ASTN1: variants seen among roughly 807,000 people sequenced by gnomAD.
ASTN1 encodes the protein astrotactin 1, also known as astrotactin-1.
A neutral mutation model predicts 140.7 loss-of-function variants in ASTN1; 41 were observed. The ratio of observed to expected loss-of-function variants is 0.29; its 90% CI spans 0.23 to 0.38. ASTN1 has a LOEUF of 0.38. Among genes scored for constraint, ASTN1 ranks in the 10% least tolerant of loss-of-function variants. ASTN1 has a pLI of 1.00. For synonymous variants in ASTN1, 640 were observed against 652.2 expected (o/e 0.98, Z 0.29); for missense variants, 1,479 against 1,678.8 (o/e 0.88, Z 2.08).
intron 9 of ASTN1, among the ~76,000 whole-genome samples, chr1:176,959,736 G>T (rs1672573175): frequency 6.6e-6 from 1 of 152,156 alleles, no homozygotes; most frequent in African/African-American, 2.4e-5. Flanking sequence ...GAGGGAAGTG[G>T]CCAGGATATG....
intron 20 of ASTN1, among the ~76,000 whole-genome samples, chr1:176,880,956 T>C (rs1266037409): frequency 6.6e-6 from 1 of 152,172 alleles, no homozygotes; most frequent in Non-Finnish European, 1.5e-5. Flanking sequence ...CTCCTCCCAG[T>C]TTATAGAAAG....
intron 16 of ASTN1, among the ~76,000 whole-genome samples, chr1:176,908,839 T>G (rs1247704621): frequency 6.6e-6 from 1 of 152,000 alleles, no homozygotes; most frequent in Non-Finnish European, 1.5e-5. Context: ...AAAATAGCAA[T>G]GCTCAGAAAG....
chr1:177,163,091 A>C (rs1348333303), intron 1 of ASTN1, among the ~76,000 whole-genome samples: 3 of 152,180 alleles, frequency 2.0e-5, no homozygotes, highest in African/African-American at 7.2e-5. Flanking sequence ...GACATCTCCT[A>C]TGAAGGAAGA....
At chr1:177,041,256 C>T (rs567778597) in intron 2 of ASTN1, among the ~76,000 whole-genome samples, 5 of 152,086 alleles carry the variant, frequency 3.3e-5, no homozygotes, top group East Asian at 1.9e-4. Context: ...TGGATGTAGA[C>T]GTAATAATTT....
intron 1 of ASTN1, among the ~76,000 whole-genome samples, chr1:177,145,158 T>C (rs1257217576): frequency 6.6e-6 from 1 of 152,188 alleles, no homozygotes; most frequent in East Asian, 1.9e-4. Flanking sequence ...TCAGCTCCGT[T>C]CCTCTGGAGG....
At chr1:176,921,217 T>A (rs1167980029) in intron 16 of ASTN1, among the ~76,000 whole-genome samples, 1 of 152,250 alleles carries the variant, frequency 6.6e-6, no homozygotes, top group Non-Finnish European at 1.5e-5. Flanking sequence ...TTCTTATATA[T>A]TTGTATTTTT....
chr1:177,025,259 A>G (rs1676048723), intron 5 of ASTN1, among the ~76,000 whole-genome samples: 1 of 152,158 alleles, frequency 6.6e-6, no homozygotes, highest in Non-Finnish European at 1.5e-5. Context: ...GGGACCTGGA[A>G]TGAGGAAAAT....
chr1:176,906,700 G>A (rs1318816027), intron 16 of ASTN1, among the ~76,000 whole-genome samples: 7 of 151,826 alleles, frequency 4.6e-5, no homozygotes, highest in Admixed American at 4.6e-4. Flanking sequence ...CAAAAAATAT[G>A]AAAATTAGCC....
intron 20 of ASTN1, among the ~76,000 whole-genome samples, chr1:176,878,486 C>G (rs1668657140): frequency 6.6e-6 from 1 of 151,986 alleles, no homozygotes; most frequent in African/African-American, 2.4e-5. Context: ...CTGGCTGGAC[C>G]CCTAGCAGTG....
chr1:177,127,139 AT>A lies in ASTN1; in HGVS notation c.283+37254del, dbSNP rs542562547. Among the ~76,000 whole-genome samples, 322 of 143,032 alleles carry A rather than the reference AT, an allele frequency of 2.3e-3. 2 individuals are homozygous for A. Among genetic ancestry groups the A allele is most frequent in the African/African-American group, 8.3e-3 (307 of 36,966 alleles). 93.8% of individuals were successfully genotyped at this position (143,032 alleles called of 152,430 possible). ...CATGGGCTGCAAAAAATGAAGTTTTATTTTTTTTTAAAAAAAGAAATTATTC... is the reference window on the plus strand; with the variant it reads ...CATGGGCTGCAAAAAATGAAGTTTTATTTTTTTTAAAAAAAGAAATTATTC... On this transcript the variant is annotated intron_variant, in intron 1 of 22. Transcript: ENST00000361833.
At chr1:177,049,067 C>G (rs1053730694) in intron 2 of ASTN1, among the ~76,000 whole-genome samples, 1 of 152,202 alleles carries the variant, frequency 6.6e-6, no homozygotes, top group Admixed American at 6.5e-5. Context: ...AAAAGAAAAG[C>G]AGAGTTGCTG....
intron 6 of ASTN1, 116 bp downstream of exon 6, chr1:177,024,467 G>T: frequency 7.5e-7 from 1 of 1,340,150 alleles, no homozygotes; most frequent in Non-Finnish European, 1.0e-6. Context: ...TTTCAGTTTG[G>T]TTTTCCCCCG....
At chr1:177,024,771 A>G in intron 5 of ASTN1, 39 bp from the exon 6 acceptor site, 3 of 1,596,850 alleles carry the variant, frequency 1.9e-6, no homozygotes, top group Non-Finnish European at 2.6e-6. Context: ...GGTGGTAAAA[A>G]GCTTGGCATT....
intron 1 of ASTN1, among the ~76,000 whole-genome samples, chr1:177,133,809 T>C (rs1682049230): frequency 6.6e-6 from 1 of 152,236 alleles, no homozygotes; most frequent in Admixed American, 6.5e-5. Flanking sequence ...TAATTTTCTA[T>C]AGATTGTATG....
chr1:177,105,706 G>T (rs141915457), intron 1 of ASTN1, among the ~76,000 whole-genome samples: 87 of 150,868 alleles, frequency 5.8e-4, no homozygotes, highest in African/African-American at 2.1e-3. Context: ...AATAATTATT[G>T]CTGCACTGAT....
chr1:177,127,836 G>A (rs562348652), intron 1 of ASTN1, among the ~76,000 whole-genome samples: 10 of 152,270 alleles, frequency 6.6e-5, no homozygotes, highest in East Asian at 5.8e-4. Flanking sequence ...GGTCAACAGC[G>A]TCCTGTACGC....
intron 5 of ASTN1, 116 bp from the exon 6 acceptor site, chr1:177,024,848 C>CA: frequency 8.6e-7 from 1 of 1,165,888 alleles, no homozygotes; most frequent in Non-Finnish European, 1.2e-6. Flanking sequence ...AAAACTAGCC[C>CA]ATGGAGGGAA....
chr1:176,906,522 T>C (rs1315395825), intron 16 of ASTN1, among the ~76,000 whole-genome samples: 1 of 152,142 alleles, frequency 6.6e-6, no homozygotes, highest in Non-Finnish European at 1.5e-5. Flanking sequence ...ATTAGTGGCA[T>C]GGGACAGGGG....
intron 1 of ASTN1, among the ~76,000 whole-genome samples, chr1:177,134,416 T>C (rs748984401): frequency 4.6e-5 from 7 of 152,204 alleles, no homozygotes; most frequent in Non-Finnish European, 8.8e-5. Context: ...AATGGACTAC[T>C]GGGAGCAATC....
Sources: gnomAD v4.1 joint callset for allele counts (sites outside exome capture counted in the v4.1 genomes callset) on GRCh38, gnomAD v4.1.1 for gene constraint, MANE v1.5 for transcripts, NCBI Gene and HGNC (gene_info 2026-07-23, HGNC 2026-07-21) for gene names.